Variants in MYO1E observed in about 807,000 individuals in gnomAD.
MYO1E encodes the protein unconventional myosin-Ie.
A neutral mutation model predicts 151.1 loss-of-function variants in MYO1E; 68 were observed. The ratio of observed to expected loss-of-function variants is 0.45; its 90% confidence interval spans 0.37 to 0.55. The LOEUF is 0.55. MYO1E is among the 20% of genes least tolerant of loss of function. The probability of loss-of-function intolerance (pLI) is 0.00; values close to 1 mark genes in which losing one functional copy is unlikely to be tolerated. For missense variants in MYO1E, 1,363 were observed against 1,389.3 expected, an observed-to-expected ratio of 0.98 and a Z score of 0.30; for synonymous variants, 601 against 501.7, an observed-to-expected ratio of 1.20 and a Z score of -2.64.
intron 1 of MYO1E, among the ~76,000 whole-genome samples, chr15:59,274,438 C>T (rs999936076): frequency 1.3e-5 from 2 of 152,184 alleles, no homozygotes; most frequent in Admixed American, 1.3e-4. Flanking sequence ...TCCTCCTCTC[C>T]TCACCTCCCC....
chr15:59,372,397 AC>A, intron 1 of MYO1E, 100 bp downstream of exon 1: 1 of 1,425,364 alleles, frequency 7.0e-7, no homozygotes. Flanking sequence ...CACCTTCTCC[AC>A]CCCTGGCCCC....
At chr15:59,267,767 G>C (rs1234086054) in intron 2 of MYO1E, among the ~76,000 whole-genome samples, 1 of 152,186 alleles carries the variant, frequency 6.6e-6, no homozygotes, top group Non-Finnish European at 1.5e-5. Context: ...ATGCACAATA[G>C]ACAACACTGT....
intron 1 of MYO1E, among the ~76,000 whole-genome samples, chr15:59,320,102 A>C (rs2080616499): frequency 1.3e-5 from 2 of 152,210 alleles, no homozygotes; most frequent in African/African-American, 4.8e-5. Flanking sequence ...AATACTTAGG[A>C]ATACATCTAA....
At chr15:59,157,448 T>C (rs147064739) in intron 25 of MYO1E, among the ~76,000 whole-genome samples, 7 of 152,284 alleles carry the variant, frequency 4.6e-5, no homozygotes, top group African/African-American at 1.7e-4. Flanking sequence ...CAGTTACCCA[T>C]GGTCAACTGT....
At chr15:59,244,537 C>G (rs1312945916) in intron 4 of MYO1E, among the ~76,000 whole-genome samples, 1 of 152,194 alleles carries the variant, frequency 6.6e-6, no homozygotes. Flanking sequence ...CCCTATGACT[C>G]ACCCCAGAGG....
intron 17 of MYO1E, among the ~76,000 whole-genome samples, chr15:59,195,015 G>T (rs17269566): frequency 2.0e-5 from 3 of 152,004 alleles, no homozygotes. Flanking sequence ...GTCTTCACGA[G>T]GCACAGCAAA....
At chr15:59,141,619 C>G (rs183324640) in intron 26 of MYO1E, among the ~76,000 whole-genome samples, 1 of 151,998 alleles carries the variant, frequency 6.6e-6, no homozygotes, top group Non-Finnish European at 1.5e-5. Context: ...GCCAACATGG[C>G]GAAACCCGTC....
intron 7 of MYO1E, among the ~76,000 whole-genome samples, chr15:59,226,289 T>C (rs11631023): frequency 0.08 from 12,199 of 152,254 alleles, 627 homozygotes; most frequent in Middle Eastern, 0.14. Flanking sequence ...ATTGAAAAGA[T>C]TGAATGTGAG....
At chr15:59,192,910 C>G (rs993262569) in intron 17 of MYO1E, among the ~76,000 whole-genome samples, 9 of 152,166 alleles carry the variant, frequency 5.9e-5, no homozygotes, top group Non-Finnish European at 1.5e-5. Flanking sequence ...GTGACAGAGA[C>G]AGAGGCAGAC....
chr15:59,165,101 A>G (rs2079556645), intron 22 of MYO1E, among the ~76,000 whole-genome samples: 1 of 152,212 alleles, frequency 6.6e-6, no homozygotes, highest in Non-Finnish European at 1.5e-5. Context: ...CGGTCTCTAG[A>G]ACTGTAAAAA....
At chr15:59,343,255 T>C (rs1166911343) in intron 1 of MYO1E, among the ~76,000 whole-genome samples, 4 of 152,148 alleles carry the variant, frequency 2.6e-5, no homozygotes, top group Admixed American at 2.0e-4. Context: ...TCCTTCATGT[T>C]TGGAGGATAT....
At chr15:59,340,724 G>A (rs549952982) in intron 1 of MYO1E, among the ~76,000 whole-genome samples, 1 of 152,076 alleles carries the variant, frequency 6.6e-6, no homozygotes, top group South Asian at 2.1e-4. Context: ...AATCAGGAAG[G>A]ATTTAAGAAA....
Position 59,261,486 on chromosome 15 carries a change from G to A in MYO1E, c.171C>T (p.Ile57=), listed in dbSNP as rs764227836. The change falls in exon 3 of 28, where the codon ATC becomes ATT. Residue 57 remains isoleucine (I), a synonymous_variant. Transcript: ENST00000288235. Reference sequence around the variant, plus strand: ...GCATCTGCTTGAAAGGGTTGACTGAGATTAATACAGATCCTATATATGTCT... The same window carrying A: ...GCATCTGCTTGAAAGGGTTGACTGAAATTAATACAGATCCTATATATGTCT... ...YIFTYIGSVL[I]SVNPFKQMPY... is the part of the protein sequence containing the mutation. 6.2e-7 allele frequency: 1 copy of A among 1,604,428 alleles called. No homozygotes were observed. The highest frequency in any genetic ancestry group is 1.7e-5 in the Admixed American group (1 of 59,980).
At chr15:59,332,717 T>C (rs564747627) in intron 1 of MYO1E, among the ~76,000 whole-genome samples, 1 of 152,214 alleles carries the variant, frequency 6.6e-6, no homozygotes, top group East Asian at 1.9e-4. Flanking sequence ...GCGCTCTATT[T>C]TTTTTTTTAA....
At chr15:59,372,233 G>A (rs938900347) in intron 1 of MYO1E, among the ~76,000 whole-genome samples, 22 of 152,236 alleles carry the variant, frequency 1.4e-4, no homozygotes, top group African/African-American at 5.1e-4. Context: ...GCTTCCGACA[G>A]CTGGCAGCCA....
chr15:59,136,800 C>T lies in MYO1E; in HGVS notation c.*580G>A. 1 of 456,198 alleles carries T rather than the reference C, an allele frequency of 2.2e-6. No individual in the cohort carries two copies. The highest frequency in any genetic ancestry group is 4.4e-6 in the Non-Finnish European group (1 of 226,726). The allele number at this position is 456,198 out of a possible 1,614,324, so 28.3% of individuals were successfully genotyped here. ...GACCTGCTTGGCGGCCCTGATGGTC[C>T]CGGCAAAGTGTAAACCAGTGCCCCT... On this transcript the variant is annotated 3_prime_UTR_variant, in exon 28 of 28. Coordinates refer to ENST00000288235, the MANE Select transcript of MYO1E (RefSeq NM_004998.4).
At chr15:59,205,658 A>T (rs2129427) in intron 14 of MYO1E, among the ~76,000 whole-genome samples, 173 bp from the exon 15 acceptor site, 3 of 152,194 alleles carry the variant, frequency 2.0e-5, no homozygotes, top group African/African-American at 2.4e-5. Flanking sequence ...TTCATTGTGC[A>T]CTGTCACAGG....
intron 9 of MYO1E, 82 bp downstream of exon 9, chr15:59,222,977 T>C (rs189925322): frequency 6.3e-7 from 1 of 1,584,028 alleles, no homozygotes; most frequent in East Asian, 2.2e-5. Flanking sequence ...CCATTTGAGA[T>C]CTAAGCAAAG....
At chr15:59,170,210 A>G (rs1365804463) in intron 22 of MYO1E, among the ~76,000 whole-genome samples, 1 of 152,162 alleles carries the variant, frequency 6.6e-6, no homozygotes, top group Non-Finnish European at 1.5e-5. Flanking sequence ...ATGTAGCTCA[A>G]TTAGGATAAT....
Sources: allele counts gnomAD v4.1 joint callset (sites outside exome capture counted in the v4.1 genomes callset), GRCh38; gene constraint gnomAD v4.1.1; transcripts MANE v1.5; gene names NCBI Gene and HGNC (gene_info 2026-07-23, HGNC 2026-07-21).